Variants in NEDD1 observed in about 807,000 individuals in gnomAD.
The protein encoded by NEDD1 is NEDD1 gamma-tubulin ring complex targeting factor.
NEDD1 carries 33 observed loss-of-function variants against 74.0 expected under a neutral mutation model. The ratio of observed to expected loss-of-function variants is 0.45; its 90% CI spans 0.34 to 0.60. The LOEUF (loss-of-function observed/expected upper bound fraction) is 0.60, where lower values mean the gene tolerates loss of function less well. Among genes scored for constraint, NEDD1 ranks in the 20% least tolerant of loss-of-function variants. The pLI, the probability that NEDD1 is intolerant of heterozygous loss-of-function variation, is 0.01. For synonymous variants in NEDD1, 250 were observed against 264.4 expected, an observed-to-expected ratio of 0.95 and a Z score of 0.53; for missense variants, 746 against 776.5, an observed-to-expected ratio of 0.96 and a Z score of 0.47.
intron 9 of NEDD1, among the ~76,000 whole-genome samples, chr12:96,937,851 A>C (rs1035140034): frequency 2.6e-5 from 4 of 152,240 alleles, no homozygotes; most frequent in Non-Finnish European, 4.4e-5. Context: ...GTTCTGAAAC[A>C]GGATTCATTT....
At chr12:96,950,280 TC>T (rs1878589878) in intron 14 of NEDD1, among the ~76,000 whole-genome samples, 1 of 151,964 alleles carries the variant, frequency 6.6e-6, no homozygotes, top group Admixed American at 6.6e-5. Context: ...TAATACTAAG[TC>T]TTGATGATAT....
intron 14 of NEDD1, among the ~76,000 whole-genome samples, chr12:96,950,382 A>T (rs1285513152): frequency 6.6e-6 from 1 of 151,012 alleles, no homozygotes; most frequent in Non-Finnish European, 1.5e-5. Flanking sequence ...TATACACTTG[A>T]GTTACAGTTG....
At chr12:96,912,672 A>G (rs992850420) in intron 3 of NEDD1, 51 bp from the exon 4 acceptor site, 1 of 828,744 alleles carries the variant, frequency 1.2e-6, no homozygotes, top group East Asian at 2.4e-5. Context: ...ATAATAGTCT[A>G]GTGCTATAGA....
chr12:96,939,972 T>C (rs1877500035), intron 9 of NEDD1, among the ~76,000 whole-genome samples: 1 of 152,010 alleles, frequency 6.6e-6, no homozygotes. Flanking sequence ...TCCTGCTGTA[T>C]GTTAGGCATC....
intron 2 of NEDD1, among the ~76,000 whole-genome samples, 195 bp from the exon 3 acceptor site, chr12:96,909,557 C>T (rs1032263250): frequency 2.0e-5 from 3 of 152,112 alleles, no homozygotes; most frequent in African/African-American, 7.2e-5. Flanking sequence ...TGTGAGGAGC[C>T]ATTGGAAGGG....
rs139965273 is a variant in NEDD1 at position 96,936,696 on chromosome 12, C to T, written c.805C>T (p.Arg269Trp). The change falls in exon 8 of 16, where the codon CGG (arginine) becomes TGG (tryptophan). Residue 269 changes from arginine to tryptophan, a missense_variant. Physicochemically the swap from Arg to Trp is moderately radical, Grantham distance 101. This residue lies in a region of NEDD1 where 706 missense variants were observed against 706.7 expected (regional missense o/e 1.00). Coordinates refer to ENST00000266742, the MANE Select transcript of NEDD1 (RefSeq NM_152905.4). ...DGATLAIGSS[R>W]GKIYQYDLRM... Reference sequence around the variant, plus strand: ...AGCCACTTTGGCTATTGGATCTTCCCGGGGGAAAATATATCAATATGATTT... The same window carrying T: ...AGCCACTTTGGCTATTGGATCTTCCTGGGGGAAAATATATCAATATGATTT... 3.7e-4 allele frequency: 599 copies of T among 1,613,010 alleles called. No individual in the cohort carries two copies. Among genetic ancestry groups the T allele is most frequent in the Non-Finnish European group, 4.6e-4 (538 of 1,179,250 alleles).
At chr12:96,943,205 A>G (rs988065908) in intron 11 of NEDD1, among the ~76,000 whole-genome samples, 10 of 152,060 alleles carry the variant, frequency 6.6e-5, no homozygotes, top group Non-Finnish European at 1.3e-4. Context: ...TCCAAGATAC[A>G]TACCACAGAT....
chr12:96,945,747 A>G lies in NEDD1; in HGVS notation c.1709A>G (p.Lys570Arg). ...TAGVASSLSEKIADSIGNNRQ... is the reference protein window; with the variant it reads ...TAGVASSLSERIADSIGNNRQ... ...GGAGTTGCCAGTTCACTCTCAGAAA[A>G]AATAGCCGACAGCATTGGAAATAAC... Residue 570 changes from lysine to arginine, a missense_variant, in exon 14 of 16, where the codon AAA (lysine) becomes AGA (arginine). By Grantham distance (26) the Lys-to-Arg change is conservative. Transcript: ENST00000266742. 1 of 1,608,724 alleles carries G rather than the reference A, an allele frequency of 6.2e-7. No individual in the cohort carries two copies. The highest frequency in any genetic ancestry group is 8.5e-7 in the Non-Finnish European group (1 of 1,175,100).
intron 5 of NEDD1, among the ~76,000 whole-genome samples, chr12:96,918,139 A>G (rs538760642): frequency 4.4e-4 from 66 of 150,924 alleles, no homozygotes; most frequent in Non-Finnish European, 7.7e-4. Flanking sequence ...CTTTTTAGTT[A>G]TGTAGTATAT....
chr12:96,920,100 C>T lies in NEDD1; in HGVS notation c.464C>T (p.Thr155Ile). 1 of 1,600,994 alleles carries T rather than the reference C, an allele frequency of 6.2e-7. No homozygotes were observed. The highest frequency in any genetic ancestry group is 8.5e-7 in the Non-Finnish European group (1 of 1,171,550). ...LHSVTTNLSS[T>I]PFGHGSNQSV... The stretch of plus-strand genomic sequence containing the variant: ...AGTGTAACCACTAATTTATCTAGTA[C>T]TCCTTTTGGCCATGGTAGTAACCAG... The change falls in exon 6 of 16, where the codon ACT becomes ATT. Residue 155 changes from threonine to isoleucine, a missense_variant. Transcript: ENST00000266742.
chr12:96,949,156 A>G (rs894133781), intron 14 of NEDD1, among the ~76,000 whole-genome samples: 6 of 152,002 alleles, frequency 3.9e-5, no homozygotes, highest in Non-Finnish European at 5.9e-5. Flanking sequence ...ATCAGCACAT[A>G]CTCTAGAAGG....
rs1878897085 is a variant in NEDD1 at position 96,953,729 on chromosome 12, G to A, written c.*1676G>A. ...TTGAAATTTCATTGTTGGCCAAAAT[G>A]ATATGAGAGATTTACCTTCCCACCT... is the stretch of plus-strand genomic sequence containing the variant. On this transcript the variant is annotated 3_prime_UTR_variant, in exon 16 of 16. Transcript: ENST00000266742. The A allele has an allele frequency of 6.6e-6, 1 of 151,754 alleles. No homozygotes were observed. The highest frequency in any genetic ancestry group is 1.5e-5 in the Non-Finnish European group (1 of 67,794). 9.4% of individuals were successfully genotyped at this position (151,754 alleles called of 1,614,324 possible).
chr12:96,947,015 C>G (rs1878260406), intron 14 of NEDD1, among the ~76,000 whole-genome samples: 1 of 152,166 alleles, frequency 6.6e-6, no homozygotes, highest in African/African-American at 2.4e-5. Context: ...GTGACCATCA[C>G]TTCTTCACAG....
chr12:96,950,377 A>G (rs1234484513), intron 14 of NEDD1, among the ~76,000 whole-genome samples: 1 of 151,016 alleles, frequency 6.6e-6, no homozygotes, highest in Non-Finnish European at 1.5e-5. Context: ...AAAAGTATAC[A>G]CTTGAGTTAC....
chr12:96,944,579 T>G, intron 12 of NEDD1, 60 bp from the exon 13 acceptor site: 1 of 1,042,288 alleles, frequency 9.6e-7, no homozygotes, highest in South Asian at 1.7e-5. Flanking sequence ...GCAAAAATTA[T>G]ATGGGTAATA....
intron 6 of NEDD1, among the ~76,000 whole-genome samples, chr12:96,931,931 A>G (rs1207363767): frequency 6.6e-6 from 1 of 152,128 alleles, no homozygotes; most frequent in Non-Finnish European, 1.5e-5. Flanking sequence ...TTAAATAATT[A>G]TCTTAGTAGA....
rs1877131700 is a variant in NEDD1, at chr12:96,936,692, T to C, written c.801T>C (p.Ser267=). Residue 267 remains serine, a synonymous_variant, in exon 8 of 16, where the codon TCT becomes TCC. Coordinates refer to ENST00000266742, the MANE Select transcript of NEDD1 (RefSeq NM_152905.4). ...MPDGATLAIG[S]SRGKIYQYDL... is the part of the protein sequence containing the mutation. ...ATGGAGCCACTTTGGCTATTGGATC[T>C]TCCCGGGGGAAAATATATCAATATG... 1 of 1,613,540 alleles carries C rather than the reference T, an allele frequency of 6.2e-7. No homozygotes were observed. The highest frequency in any genetic ancestry group is 1.7e-5 in the Admixed American group (1 of 59,974).
chr12:96,914,874 C>A (rs895179752), intron 4 of NEDD1, among the ~76,000 whole-genome samples: 6 of 152,176 alleles, frequency 3.9e-5, no homozygotes, highest in African/African-American at 1.4e-4. Context: ...AAAGACCTAT[C>A]AACAGGGTTA....
chr12:96,944,189 C>A (rs1361344976), intron 12 of NEDD1, among the ~76,000 whole-genome samples: 4 of 151,752 alleles, frequency 2.6e-5, no homozygotes, highest in Non-Finnish European at 5.9e-5. Context: ...TCAAAATGAT[C>A]AAAAATTACC....
Sources: gnomAD v4.1 joint callset for allele counts (sites outside exome capture counted in the v4.1 genomes callset) on GRCh38, gnomAD v4.1.1 for gene constraint, gnomAD v4.1.1 regional missense constraint, MANE v1.5 for transcripts, NCBI Gene and HGNC (gene_info 2026-07-23, HGNC 2026-07-21) for gene names.